The following IL2RA variants were observed in gnomAD, a reference collection of about 807,000 sequenced individuals.
The protein encoded by IL2RA is interleukin-2 receptor subunit alpha.
In IL2RA, 24 loss-of-function variants were observed where a neutral mutation model predicts 37.8. That is an observed-to-expected ratio of 0.63 (90% CI 0.46 to 0.89). The LOEUF is 0.89. Among genes scored for constraint, IL2RA ranks in the 40% least tolerant of loss-of-function variants. The pLI, the probability that IL2RA is intolerant of heterozygous loss-of-function variation, is 0.00. For missense variants in IL2RA, 319 were observed against 348.6 expected (o/e 0.92, Z 0.68); for synonymous variants, 125 against 114.6 (o/e 1.09, Z -0.58).
At chr10:6,045,224 C>CA (rs1839831908) in intron 1 of IL2RA, among the ~76,000 whole-genome samples, 1 of 152,186 alleles carries the variant, frequency 6.6e-6, no homozygotes, top group African/African-American at 2.4e-5. Context: ...GTCAAATAGT[C>CA]AGAGTTTCCG....
At chr10:6,013,694 C>T (rs1207312048) in intron 7 of IL2RA, among the ~76,000 whole-genome samples, 1 of 152,038 alleles carries the variant, frequency 6.6e-6, no homozygotes, top group Non-Finnish European at 1.5e-5. Context: ...TTCCACCATG[C>T]GGACACAATA....
chr10:6,045,391 CAA>C (rs1839836351), intron 1 of IL2RA, among the ~76,000 whole-genome samples: 1 of 151,934 alleles, frequency 6.6e-6, no homozygotes. Flanking sequence ...AGCAGGAAAC[CAA>C]AAATACCCCT....
chr10:6,055,662 T>C (rs1382790996), intron 1 of IL2RA, among the ~76,000 whole-genome samples: 2 of 32,320 alleles, frequency 6.2e-5, no homozygotes, highest in Non-Finnish European at 1.5e-4. Flanking sequence ...CTTTCCCGCC[T>C]TTCCATTCCA....
chr10:6,053,261 A>G (rs1032816247), intron 1 of IL2RA, among the ~76,000 whole-genome samples: 1 of 152,202 alleles, frequency 6.6e-6, no homozygotes, highest in African/African-American at 2.4e-5. Flanking sequence ...CAGGCAACCC[A>G]TTTAATCTCT....
chr10:6,024,164 T>C (rs1241751868), intron 3 of IL2RA, 80 bp downstream of exon 3: 5 of 932,732 alleles, frequency 5.4e-6, no homozygotes, highest in Non-Finnish European at 5.3e-6. Flanking sequence ...GCAGACCTTC[T>C]TCCTTTGGGT....
chr10:6,034,387 T>G (rs1839647032), intron 1 of IL2RA, among the ~76,000 whole-genome samples: 1 of 152,018 alleles, frequency 6.6e-6, no homozygotes, highest in Non-Finnish European at 1.5e-5. Context: ...GAAGAGTGTG[T>G]GGAAAGGTAC....
intron 7 of IL2RA, among the ~76,000 whole-genome samples, 187 bp downstream of exon 7, chr10:6,017,866 C>T (rs1839304798): frequency 6.6e-6 from 1 of 152,212 alleles, no homozygotes; most frequent in Non-Finnish European, 1.5e-5. Flanking sequence ...GCGTGAGCCA[C>T]TGCACCCGGC....
In IL2RA at chr10:6,014,117, C is replaced by A. The variant is rs1839238304; in HGVS notation, c.795-1221G>T. On this transcript the variant is annotated intron_variant, in intron 7 of 7. Transcript: ENST00000379959. The surrounding 1 kb of genome is among the most constrained non-coding windows in gnomAD (Gnocchi z 4.4). ...TACAGGCAGGAGCTACTGCTCCCAG[C>A]CTAAATACTTTAATTTTCCATAATG... 6.6e-6 allele frequency among the ~76,000 whole-genome samples: 1 copy of A among 152,134 alleles called. No homozygotes were observed. Among genetic ancestry groups the A allele is most frequent in the African/African-American group, 2.4e-5 (1 of 41,428 alleles).
chr10:6,013,976 TA>T (rs1839235212), intron 7 of IL2RA, among the ~76,000 whole-genome samples: 1 of 151,762 alleles, frequency 6.6e-6, no homozygotes, highest in African/African-American at 2.4e-5. Flanking sequence ...GGACTACAGG[TA>T]TGTGCCACCT....
intron 1 of IL2RA, among the ~76,000 whole-genome samples, chr10:6,050,054 G>A (rs1839924984): frequency 6.6e-6 from 1 of 152,216 alleles, no homozygotes; most frequent in Admixed American, 6.5e-5. Flanking sequence ...GTGCCAGGCA[G>A]AGGAGGTAGC....
At chr10:6,026,081 ATATTTAATCC>A in intron 1 of IL2RA, 56 bp from the exon 2 acceptor site, 1 of 1,521,592 alleles carries the variant, frequency 6.6e-7, no homozygotes, top group Non-Finnish European at 9.1e-7. Context: ...AAGTACTCAC[ATATTTAATCC>A]TATAATGACT....
rs1361150194 is a variant in IL2RA, at chr10:6,021,423, G to C, written c.583+55C>G. 8 of 1,448,874 alleles carry C rather than the reference G, an allele frequency of 5.5e-6. No homozygotes were observed. The highest frequency in any genetic ancestry group is 1.4e-5 in the African/African-American group (1 of 71,590). The allele number at this position is 1,448,874 out of a possible 1,614,324, so 89.8% of individuals were successfully genotyped here. A position where few individuals can be genotyped will look rare whatever the true frequency, so the allele number is the denominator to read the frequency against. On this transcript the variant is annotated intron_variant, in intron 4 of 7. Transcript: ENST00000379959. The surrounding 1 kb of genome is among the most constrained non-coding windows in gnomAD (Gnocchi z 4.9). Reference sequence around the variant, plus strand: ...CAGGAGTGGTCAGGGATTCCACTCTGGTCAGCCTGATGGAGCAAAGCAACA... The same window carrying C: ...CAGGAGTGGTCAGGGATTCCACTCTCGTCAGCCTGATGGAGCAAAGCAACA...
intron 1 of IL2RA, among the ~76,000 whole-genome samples, chr10:6,051,901 A>T (rs1032329122): frequency 2.8e-5 from 4 of 143,254 alleles, no homozygotes; most frequent in Non-Finnish European, 6.1e-5. Flanking sequence ...TGTAAACTGG[A>T]CTAATACGAT....
chr10:6,042,840 A>G (rs1021035570), intron 1 of IL2RA, among the ~76,000 whole-genome samples: 16 of 152,222 alleles, frequency 1.1e-4, no homozygotes, highest in Non-Finnish European at 2.9e-5. Context: ...TTGGCAAAAA[A>G]TGTTAAAATT....
intron 1 of IL2RA, among the ~76,000 whole-genome samples, chr10:6,050,618 T>C (rs1839936778): frequency 6.6e-6 from 1 of 152,136 alleles, no homozygotes; most frequent in Admixed American, 6.5e-5. Flanking sequence ...CACTCCAGTC[T>C]GGGCAACAGA....
At chr10:6,013,212 G>A (rs1280605760) in intron 7 of IL2RA, among the ~76,000 whole-genome samples, 1 of 152,196 alleles carries the variant, frequency 6.6e-6, no homozygotes. Context: ...ATGCAGTAAA[G>A]CACTTGGTTT....
At chr10:6,034,721 C>T (rs1457069471) in intron 1 of IL2RA, among the ~76,000 whole-genome samples, 1 of 152,162 alleles carries the variant, frequency 6.6e-6, no homozygotes, top group African/African-American at 2.4e-5. Flanking sequence ...TCTGCCTTTA[C>T]ACTTCCTCCT....
At position 6,021,840 on chromosome 10, in the gene IL2RA, G is replaced by C; in HGVS notation, c.368-147C>G. 1.4e-6 allele frequency: 1 copy of C among 713,800 alleles called. No individual in the cohort carries two copies. The highest frequency in any genetic ancestry group is 2.5e-6 in the Non-Finnish European group (1 of 405,670). The allele number at this position is 713,800 out of a possible 1,614,324, so 44.2% of individuals were successfully genotyped here. A position where few individuals can be genotyped will look rare whatever the true frequency, so the allele number is the denominator to read the frequency against. On this transcript the variant is annotated intron_variant, in intron 3 of 7. Transcript: ENST00000379959. This position sits in a 1 kb window ranked among gnomAD's most constrained non-coding sequence, Gnocchi z 4.9. ...CATTCAACCAATATATGTTGAGAACGTCTGAGCGTGGGGAAGTTTGCTAGG... is the reference window on the plus strand; with the variant it reads ...CATTCAACCAATATATGTTGAGAACCTCTGAGCGTGGGGAAGTTTGCTAGG...
At chr10:6,013,567 G>A (rs139815320) in intron 7 of IL2RA, among the ~76,000 whole-genome samples, 16 of 152,198 alleles carry the variant, frequency 1.1e-4, no homozygotes, top group Non-Finnish European at 2.2e-4. Context: ...CTCTGATGAC[G>A]GTTGCCTGTC....
Sources: gnomAD v4.1 joint callset for allele counts (sites outside exome capture counted in the v4.1 genomes callset) on GRCh38, gnomAD v4.1.1 for gene constraint, Gnocchi (gnomAD v3.1) non-coding constraint, MANE v1.5 for transcripts, NCBI Gene and HGNC (gene_info 2026-07-23, HGNC 2026-07-21) for gene names.